Variants in PRR16 observed in about 807,000 individuals in gnomAD.
PRR16 encodes proline rich 16.
A neutral mutation model predicts 18.2 loss-of-function variants in PRR16; 6 were observed. That is an observed-to-expected ratio of 0.33 (90% confidence interval 0.18 to 0.65). The LOEUF (loss-of-function observed/expected upper bound fraction) is 0.65, where lower values mean the gene tolerates loss of function less well. Ranked by LOEUF, PRR16 falls within the 30% of genes least tolerant of loss-of-function variation. The pLI, the probability that PRR16 is intolerant of heterozygous loss-of-function variation, is 0.74. For missense variants in PRR16, 412 were observed against 376.6 expected, an observed-to-expected ratio of 1.09 and a Z score of -0.78; for synonymous variants, 151 against 147.8, an observed-to-expected ratio of 1.02 and a Z score of -0.16.
intron 1 of PRR16, among the ~76,000 whole-genome samples, chr5:120,571,670 A>G (rs560891434): frequency 6.6e-6 from 1 of 152,302 alleles, no homozygotes; most frequent in South Asian, 2.1e-4. Flanking sequence ...AGAGGCATGC[A>G]GGTACCTTGG....
chr5:120,602,751 T>G (rs2112792606), intron 1 of PRR16, among the ~76,000 whole-genome samples: 1 of 152,218 alleles, frequency 6.6e-6, no homozygotes, highest in African/African-American at 2.4e-5. Context: ...TGATGCCTAA[T>G]TTGTTGAGGG....
chr5:120,775,576 A>T, the PRR16 span, among the ~76,000 whole-genome samples: 1 of 146,968 alleles, frequency 6.8e-6, no homozygotes, highest in Non-Finnish European at 1.5e-5. Context: ...TCTTCACACC[A>T]CTGGATAGAC....
the PRR16 span, among the ~76,000 whole-genome samples, chr5:120,757,668 C>T: frequency 2.6e-5 from 4 of 151,828 alleles, no homozygotes; most frequent in African/African-American, 7.3e-5. Flanking sequence ...TCATGATATT[C>T]TTCATTTAAT....
At chr5:120,510,661 A>C (rs1282343314) in intron 1 of PRR16, among the ~76,000 whole-genome samples, 1 of 152,188 alleles carries the variant, frequency 6.6e-6, no homozygotes, top group East Asian at 1.9e-4. Flanking sequence ...GGGGACTTAA[A>C]AATGATTTAA....
At chr5:120,740,709 G>C in the PRR16 span, among the ~76,000 whole-genome samples, 1 of 152,082 alleles carries the variant, frequency 6.6e-6, no homozygotes, top group African/African-American at 2.4e-5. Context: ...TCTGGAATCA[G>C]TTTTCCAAAA....
chr5:120,755,916 G>A, the PRR16 span, among the ~76,000 whole-genome samples: 1 of 152,104 alleles, frequency 6.6e-6, no homozygotes, highest in Non-Finnish European at 1.5e-5. Flanking sequence ...GCTCAAGCAA[G>A]TGGCTCAAGC....
At chr5:120,489,409 G>A (rs923146746) in intron 1 of PRR16, among the ~76,000 whole-genome samples, 5 of 152,026 alleles carry the variant, frequency 3.3e-5, no homozygotes, top group South Asian at 2.1e-4. Context: ...TTATGTAATG[G>A]CCTTCTTTGT....
the PRR16 span, among the ~76,000 whole-genome samples, chr5:120,785,811 C>T: frequency 2.1e-3 from 315 of 151,354 alleles, 3 homozygotes; most frequent in African/African-American, 7.3e-3. Context: ...ACCTGTGATC[C>T]GTCCGCCTCG....
chr5:120,613,721 A>T (rs1268065009), intron 1 of PRR16, among the ~76,000 whole-genome samples: 6 of 152,170 alleles, frequency 3.9e-5, no homozygotes, highest in Non-Finnish European at 8.8e-5. Flanking sequence ...TAAGGCACTA[A>T]CACATCGTTT....
At chr5:120,748,829 G>A in the PRR16 span, among the ~76,000 whole-genome samples, 1 of 151,954 alleles carries the variant, frequency 6.6e-6, no homozygotes, top group Non-Finnish European at 1.5e-5. Flanking sequence ...GAAGACCCAG[G>A]GACTATGAGA....
At position 120,501,957 on chromosome 5, in the gene PRR16, A is replaced by C. The variant is rs1374042192; in HGVS notation, c.159+37312A>C. On this transcript the variant is annotated intron_variant, in intron 1 of 1. Coordinates refer to ENST00000407149, the MANE Select transcript of PRR16 (RefSeq NM_001300783.2). ...GGCGACAGAGCGATACTCCGTCTCAAAAAAAAAAAAAAAAAAAAAAAAAAA... is the reference window on the plus strand; with the variant it reads ...GGCGACAGAGCGATACTCCGTCTCACAAAAAAAAAAAAAAAAAAAAAAAAA... 2.2e-3 allele frequency among the ~76,000 whole-genome samples: 171 copies of C among 77,178 alleles called. 2 individuals are homozygous for C. The highest frequency in any genetic ancestry group is 8.8e-3 in the African/African-American group (115 of 13,140). The allele number at this position is 77,178 out of a possible 152,430, so 50.6% of individuals were successfully genotyped here.
the PRR16 span, among the ~76,000 whole-genome samples, chr5:120,700,902 T>C: frequency 6.6e-6 from 1 of 152,136 alleles, no homozygotes; most frequent in Non-Finnish European, 1.5e-5. Context: ...CAGAGAGCCT[T>C]GGGCCAGAGT....
chr5:120,669,322 A>G (rs992634243), intron 1 of PRR16, among the ~76,000 whole-genome samples: 9 of 152,028 alleles, frequency 5.9e-5, no homozygotes, highest in African/African-American at 9.7e-5. Context: ...CCTCTTTACC[A>G]TAGTTCCCTG....
the PRR16 span, among the ~76,000 whole-genome samples, chr5:120,720,512 A>C: frequency 6.6e-6 from 1 of 152,018 alleles, no homozygotes; most frequent in African/African-American, 2.4e-5. Context: ...GAATTGTTCT[A>C]ACATTCACAT....
At chr5:120,592,999 G>C (rs934734264) in intron 1 of PRR16, among the ~76,000 whole-genome samples, 1 of 151,782 alleles carries the variant, frequency 6.6e-6, no homozygotes, top group South Asian at 2.1e-4. Context: ...CCAGAATCTC[G>C]GTCACAGCTA....
chr5:120,723,635 C>A, the PRR16 span, among the ~76,000 whole-genome samples: 1 of 151,904 alleles, frequency 6.6e-6, no homozygotes, highest in African/African-American at 2.4e-5. Flanking sequence ...TTGATTTTCA[C>A]AAAGCCTGAA....
At chr5:120,667,666 G>C (rs1181751019) in intron 1 of PRR16, among the ~76,000 whole-genome samples, 4 of 151,248 alleles carry the variant, frequency 2.6e-5, no homozygotes, top group Non-Finnish European at 4.4e-5. Flanking sequence ...CTTTGTTCTC[G>C]TTGGTTTCAA....
At chr5:120,477,907 GAAC>G (rs1396014187) in intron 1 of PRR16, among the ~76,000 whole-genome samples, 3 of 152,172 alleles carry the variant, frequency 2.0e-5, no homozygotes, top group Non-Finnish European at 2.9e-5. Flanking sequence ...TCCAGTGGCA[GAAC>G]ACCACAGCCT....
Position 120,464,403 on chromosome 5 carries a change from C to T in PRR16, c.-84C>T. 2.8e-6 allele frequency: 4 copies of T among 1,421,598 alleles called. No homozygotes were observed. The East Asian group carries it at 7.7e-5, about 27-fold the overall frequency. 88.1% of individuals were successfully genotyped at this position (1,421,598 alleles called of 1,614,324 possible). On this transcript the variant is annotated 5_prime_UTR_variant, in exon 1 of 2. Coordinates refer to ENST00000407149, the MANE Select transcript of PRR16 (RefSeq NM_001300783.2). ...AGATGTGGGGGGACCGGGGCGGCAG[C>T]GGCCGTAGCAGCGCCAGGGACGGGG... is the stretch of plus-strand genomic sequence containing the variant.
Sources: allele counts gnomAD v4.1 joint callset (sites outside exome capture counted in the v4.1 genomes callset), GRCh38; gene constraint gnomAD v4.1.1; transcripts MANE v1.5; gene names NCBI Gene and HGNC (gene_info 2026-07-23, HGNC 2026-07-21).